ANKRD42: variants seen among roughly 807,000 people sequenced by gnomAD.
The protein encoded by ANKRD42 is ankyrin repeat domain-containing protein 42.
ANKRD42 carries 43 observed loss-of-function variants against 51.5 expected under a neutral mutation model. The observed-to-expected ratio is 0.83, with a 90% confidence interval of 0.65 to 1.08. The LOEUF (loss-of-function observed/expected upper bound fraction) is 1.08. Among genes scored for constraint, ANKRD42 ranks in the 50% least tolerant of loss-of-function variants. The pLI is 0.00. For synonymous variants in ANKRD42, 203 were observed against 213.0 expected (o/e 0.95, Z 0.41); for missense variants, 608 against 629.3 (o/e 0.97, Z 0.36).
chr11:83,259,754 T>C (rs1863847779), downstream of ANKRD42: 1 of 152,044 alleles, frequency 6.6e-6, no homozygotes, highest in Non-Finnish European at 1.5e-5. Context: ...CTTGATGAAC[T>C]CCTTGGCTCA....
At chr11:83,251,112 T>C (rs1451735574), downstream of ANKRD42, among the ~76,000 whole-genome samples, 1 of 152,190 alleles carries the variant, frequency 6.6e-6, no homozygotes, top group Non-Finnish European at 1.5e-5. Flanking sequence ...TATTAATAGC[T>C]TATTTTTTCT....
chr11:83,211,443 A>T lies in ANKRD42; in HGVS notation c.586+13A>T. On this transcript the variant is annotated intron_variant, in intron 5 of 10. Coordinates refer to ENST00000533342, the MANE Select transcript of ANKRD42 (RefSeq NM_001300975.2). ...GGAAACCTTCCAGGTATTTTAAATA[A>T]AGCAAATATTTTAGTTTTTCATTGA... 6.2e-7 allele frequency: 1 copy of T among 1,611,556 alleles called. No homozygotes were observed. Among genetic ancestry groups the T allele is most frequent in the Non-Finnish European group, 8.5e-7 (1 of 1,179,042 alleles).
intron 11 of ANKRD42, among the ~76,000 whole-genome samples, chr11:83,255,061 G>A (rs911468345): frequency 3.3e-5 from 5 of 152,190 alleles, no homozygotes; most frequent in Non-Finnish European, 5.9e-5. Context: ...CATTAGAAAA[G>A]GTGTGGGCAG....
At chr11:83,210,273 A>G in intron 3 of ANKRD42, 27 bp from the exon 4 acceptor site, 1 of 1,607,806 alleles carries the variant, frequency 6.2e-7, no homozygotes, top group Non-Finnish European at 8.5e-7. Context: ...TACTCATGTA[A>G]AGTCTTTCCT....
intron 5 of ANKRD42, among the ~76,000 whole-genome samples, chr11:83,211,927 A>G (rs905239125): frequency 6.6e-6 from 1 of 151,996 alleles, no homozygotes; most frequent in Non-Finnish European, 1.5e-5. Flanking sequence ...CTTTCATTTG[A>G]TTGATTTTTT....
At chr11:83,218,700 G>A (rs1351493238) in intron 5 of ANKRD42, among the ~76,000 whole-genome samples, 4 of 152,172 alleles carry the variant, frequency 2.6e-5, no homozygotes, top group East Asian at 3.9e-4. Context: ...TTAACACTTC[G>A]GTGGGGCTGG....
intron 10 of ANKRD42, 63 bp from the exon 11 acceptor site, chr11:83,247,880 C>A: frequency 1.5e-6 from 2 of 1,357,516 alleles, no homozygotes; most frequent in South Asian, 2.8e-5. Context: ...ATGCTTTCCA[C>A]TACTAAAAGT....
intron 5 of ANKRD42, chr11:83,212,679 C>CT (rs1565182107): frequency 1.4e-5 from 22 of 1,535,996 alleles, no homozygotes; most frequent in Admixed American, 7.8e-5. Context: ...TGTGGAGCCT[C>CT]TGATTCCTTG....
At chr11:83,258,489 G>C (rs1863810652), downstream of ANKRD42, among the ~76,000 whole-genome samples, 1 of 152,148 alleles carries the variant, frequency 6.6e-6, no homozygotes, top group South Asian at 2.1e-4. Flanking sequence ...TGGAGTTAAA[G>C]ACTTGAGTCC....
intron 8 of ANKRD42, among the ~76,000 whole-genome samples, chr11:83,237,270 GA>G (rs1422666470): frequency 3.9e-5 from 6 of 152,104 alleles, no homozygotes; most frequent in African/African-American, 9.6e-5. Context: ...TAAGAATATA[GA>G]AAAAAATCTT....
chr11:83,242,845 G>A (rs927236077), intron 9 of ANKRD42, among the ~76,000 whole-genome samples: 13 of 152,264 alleles, frequency 8.5e-5, no homozygotes, highest in East Asian at 1.9e-4. Flanking sequence ...TTACAGGCGT[G>A]AGCCACTGTG....
At chr11:83,202,077 T>C (rs1223671419) in intron 2 of ANKRD42, among the ~76,000 whole-genome samples, 3 of 152,242 alleles carry the variant, frequency 2.0e-5, no homozygotes, top group Admixed American at 1.3e-4. Flanking sequence ...CATGGCTATG[T>C]CCAGAATGGT....
Position 83,248,932 on chromosome 11 carries a change from G to A in ANKRD42, c.*728G>A. On this transcript the variant is annotated 3_prime_UTR_variant, in exon 11 of 11. Transcript: ENST00000533342. ...TTCTCTGGGTTTTGGTGTCTCACCA[G>A]TGGTTGATTTTCCAAGAAATATAAT... is the stretch of plus-strand genomic sequence containing the variant. 1 of 982,822 alleles carries A rather than the reference G, an allele frequency of 1.0e-6. No homozygotes were observed. The highest frequency in any genetic ancestry group is 1.2e-6 in the Non-Finnish European group (1 of 827,586). 60.9% of individuals were successfully genotyped at this position (982,822 alleles called of 1,614,324 possible).
chr11:83,259,598 T>A (rs1266419443), downstream of ANKRD42: 2 of 152,188 alleles, frequency 1.3e-5, no homozygotes, highest in Non-Finnish European at 2.9e-5. Context: ...AGATGAAGAA[T>A]GAATAAACTA....
intron 2 of ANKRD42, among the ~76,000 whole-genome samples, chr11:83,201,030 C>T (rs1861848992): frequency 6.6e-6 from 1 of 151,934 alleles, no homozygotes; most frequent in Non-Finnish European, 1.5e-5. Flanking sequence ...TGGGCAGAAC[C>T]TGCAGTTTTG....
At chr11:83,195,073 C>T (rs961035883) in intron 1 of ANKRD42, among the ~76,000 whole-genome samples, 9 of 152,312 alleles carry the variant, frequency 5.9e-5, no homozygotes, top group Admixed American at 3.3e-4. Context: ...ACTTAGTTTT[C>T]TTCTTTCACT....
At chr11:83,261,900 G>A (rs760449609), downstream of ANKRD42, 24 of 1,588,770 alleles carry the variant, frequency 1.5e-5, no homozygotes, top group South Asian at 2.3e-5. Context: ...ACAGCAGGAT[G>A]AGCATTAATA....
At chr11:83,217,102 G>A (rs1862565557) in intron 5 of ANKRD42, among the ~76,000 whole-genome samples, 1 of 152,180 alleles carries the variant, frequency 6.6e-6, no homozygotes, top group South Asian at 2.1e-4. Context: ...CCTTGATCTT[G>A]GAGGAAACAA....
chr11:83,253,796 G>A (rs1456839787), downstream of ANKRD42, among the ~76,000 whole-genome samples: 1 of 152,176 alleles, frequency 6.6e-6, no homozygotes. Context: ...GGAACCTTCA[G>A]TGAACACTTA....
Sources: gnomAD v4.1 joint callset for allele counts (sites outside exome capture counted in the v4.1 genomes callset) on GRCh38, gnomAD v4.1.1 for gene constraint, MANE v1.5 for transcripts, NCBI Gene and HGNC (gene_info 2026-07-23, HGNC 2026-07-21) for gene names.